Variants in TRPM3 observed in about 807,000 individuals in gnomAD.
TRPM3 encodes the protein long transient receptor potential channel 3.
TRPM3 carries 77 observed loss-of-function variants against 181.2 expected under a neutral mutation model. The ratio of observed to expected loss-of-function variants is 0.42; its 90% CI spans 0.35 to 0.51. The LOEUF (loss-of-function observed/expected upper bound fraction) is 0.51. Ranked by LOEUF, TRPM3 falls within the 20% of genes least tolerant of loss-of-function variation. The pLI is 0.01. For synonymous variants in TRPM3, 745 were observed against 796.4 expected (o/e 0.94, Z 1.09); for missense variants, 1,759 against 2,196.7 (o/e 0.80, Z 3.98).
At chr9:70,856,393 A>C (rs1344402177) in intron 3 of TRPM3, among the ~76,000 whole-genome samples, 1 of 152,204 alleles carries the variant, frequency 6.6e-6, no homozygotes, top group African/African-American at 2.4e-5. Flanking sequence ...GGTTAGCCAC[A>C]GCCTATTGAT....
Position 71,093,590 on chromosome 9 carries a change from G to C in TRPM3, c.177+27588C>G, listed in dbSNP as rs529338642. 2.6e-5 allele frequency among the ~76,000 whole-genome samples: 4 copies of C among 152,296 alleles called. 1 individual carries two copies. The highest frequency in any genetic ancestry group is 3.4e-3 in the Middle Eastern group (1 of 294). On this transcript the variant is annotated intron_variant, in intron 1 of 25. Transcript: ENST00000677713. ...ATCTTTAAAAAGTCAGGCAACAATA[G>C]ATGCTGGAAAGGATGTGGAGAAATA...
chr9:71,215,047 CAAA>C (rs72383590), intron 1 of TRPM3, among the ~76,000 whole-genome samples: 62,087 of 113,530 alleles, frequency 0.55, 13,897 homozygotes, highest in East Asian at 0.62. Flanking sequence ...AAAAAAAAAA[CAAA>C]AAAAAAAAAA....
intron 6 of TRPM3, among the ~76,000 whole-genome samples, chr9:70,819,889 C>T (rs927641235): frequency 1.1e-4 from 17 of 152,250 alleles, no homozygotes; most frequent in Admixed American, 3.3e-4. Context: ...GGAATAACAC[C>T]TCAATCAAAT....
intron 1 of TRPM3, among the ~76,000 whole-genome samples, chr9:71,358,882 C>T (rs4744630): frequency 0.46 from 70,388 of 152,022 alleles, 16,431 homozygotes; most frequent in South Asian, 0.53. Flanking sequence ...GGGATGAACA[C>T]GTGTAGCCTA....
intron 1 of TRPM3, among the ~76,000 whole-genome samples, chr9:71,297,983 T>A (rs1269946197): frequency 6.6e-6 from 1 of 152,148 alleles, no homozygotes; most frequent in East Asian, 1.9e-4. Flanking sequence ...TCTTAAATTG[T>A]ACTTTATAAA....
intron 6 of TRPM3, among the ~76,000 whole-genome samples, chr9:70,792,760 TC>T (rs761252892): frequency 6.6e-6 from 1 of 151,576 alleles, no homozygotes; most frequent in Non-Finnish European, 1.5e-5. Flanking sequence ...CTGCAGAGAG[TC>T]CCCTATTCAC....
rs75064805 is a variant in TRPM3 at position 70,861,472 on chromosome 9, C to T, written c.462+1436G>A. Among the ~76,000 whole-genome samples, 10 of 152,168 alleles carry T rather than the reference C, an allele frequency of 6.6e-5. No individual in the cohort carries two copies. The East Asian group carries it at 1.9e-3, about 29-fold the overall frequency. ...GGGCTAATGACACGAGGCTTGCAGG[C>T]AGTATTCAAGCATCCTGTGAAGGCA... On this transcript the variant is annotated intron_variant, in intron 3 of 25. Transcript: ENST00000677713.
Position 71,316,656 on chromosome 9 carries a change from G to C in TRPM3, c.183+129997C>G, listed in dbSNP as rs563358804. Among the ~76,000 whole-genome samples the C allele has an allele frequency of 2.6e-5, 4 of 152,206 alleles. No homozygotes were observed. The East Asian group carries it at 7.7e-4, about 29-fold the overall frequency. The stretch of plus-strand genomic sequence containing the variant: ...AAGGCGACCTCCAGAAGCTGAAAAA[G>C]GTAGAGAAATGGATCCTCTCCCAGA... On this transcript the variant is annotated intron_variant, in intron 1 of 24. Coordinates refer to the TRPM3 transcript ENST00000357533.
chr9:70,810,013 C>A (rs777126812), intron 6 of TRPM3: 1 of 534,692 alleles, frequency 1.9e-6, no homozygotes, highest in Non-Finnish European at 3.8e-6. Flanking sequence ...GCCTTCCCAG[C>A]CTCCTTCATA....
intron 1 of TRPM3, among the ~76,000 whole-genome samples, chr9:71,244,989 G>T (rs2081950345): frequency 6.6e-6 from 1 of 152,176 alleles, no homozygotes; most frequent in Non-Finnish European, 1.5e-5. Context: ...ACAGGCTGGT[G>T]GGGAGGACAT....
In TRPM3 at chr9:71,353,919, C is replaced by T. The variant is rs150357964; in HGVS notation, c.183+92734G>A. On this transcript the variant is annotated intron_variant, in intron 1 of 24. Transcript: ENST00000357533. ...TTTCATCTGAAAGATGAGGGATTTG[C>T]CTAAGCCACAGATGGTTGGTGACAA... Among the ~76,000 whole-genome samples, 146 of 152,224 alleles carry T rather than the reference C, an allele frequency of 9.6e-4. 1 individual carries two copies. Among genetic ancestry groups the T allele is most frequent in the South Asian group, 6.0e-3 (29 of 4,828 alleles).
intron 1 of TRPM3, among the ~76,000 whole-genome samples, chr9:71,328,433 T>C (rs1300205394): frequency 6.6e-6 from 1 of 152,222 alleles, no homozygotes; most frequent in African/African-American, 2.4e-5. Flanking sequence ...CCCAAAGTGC[T>C]GGGATTACAG....
chr9:71,015,982 G>A (rs1404162339), intron 1 of TRPM3, among the ~76,000 whole-genome samples: 1 of 151,830 alleles, frequency 6.6e-6, no homozygotes, highest in Non-Finnish European at 1.5e-5. Context: ...GGATCACGAG[G>A]TCAAGAGATT....
At chr9:70,949,033 T>C (rs1564825298) in intron 1 of TRPM3, among the ~76,000 whole-genome samples, 1 of 152,092 alleles carries the variant, frequency 6.6e-6, no homozygotes, top group Non-Finnish European at 1.5e-5. Context: ...ATGTATGTAT[T>C]CATTCAATTA....
At chr9:71,405,767 G>A (rs1680454042) in intron 1 of TRPM3, among the ~76,000 whole-genome samples, 1 of 151,942 alleles carries the variant, frequency 6.6e-6, no homozygotes, top group Admixed American at 6.6e-5. Flanking sequence ...CCTGTACCAG[G>A]GCTTCCTCAA....
intron 1 of TRPM3, among the ~76,000 whole-genome samples, chr9:71,182,241 A>G (rs2077446705): frequency 6.6e-6 from 1 of 152,142 alleles, no homozygotes; most frequent in Non-Finnish European, 1.5e-5. Context: ...TAGGAAAAAG[A>G]ATTATTGGGG....
At chr9:70,650,641 T>G (rs1391135998) in intron 9 of TRPM3, among the ~76,000 whole-genome samples, 2 of 152,230 alleles carry the variant, frequency 1.3e-5, no homozygotes, top group African/African-American at 4.8e-5. Context: ...TTTTGTTGGA[T>G]CTCCACTTTC....
intron 1 of TRPM3, among the ~76,000 whole-genome samples, chr9:71,218,848 G>T (rs1339841808): frequency 6.6e-6 from 1 of 152,166 alleles, no homozygotes; most frequent in South Asian, 2.1e-4. Flanking sequence ...GTCCACAATG[G>T]TTTACCCATC....
At chr9:70,671,018 G>A (rs530316833) in intron 9 of TRPM3, among the ~76,000 whole-genome samples, 22 of 152,204 alleles carry the variant, frequency 1.4e-4, no homozygotes, top group African/African-American at 5.1e-4. Flanking sequence ...ATTGAATTCC[G>A]ACTCTATGCC....
Sources: gnomAD v4.1 joint callset for allele counts (sites outside exome capture counted in the v4.1 genomes callset) on GRCh38, gnomAD v4.1.1 for gene constraint, MANE v1.5 for transcripts, NCBI Gene and HGNC (gene_info 2026-07-23, HGNC 2026-07-21) for gene names.